The following LRP1B variants were observed in gnomAD, a reference collection of about 807,000 sequenced individuals.
The protein encoded by LRP1B is low-density lipoprotein receptor-related protein 1B.
A neutral mutation model predicts 556.6 loss-of-function variants in LRP1B; 217 were observed. That is an observed-to-expected ratio of 0.39 (90% CI 0.35 to 0.44). The LOEUF is 0.44. LRP1B is among the 20% of genes least tolerant of loss of function. LRP1B has a pLI of 1.00. For synonymous variants in LRP1B, 2,047 were observed against 1,865.8 expected (o/e 1.10, Z -2.50); for missense variants, 5,053 against 5,620.8 (o/e 0.90, Z 3.23).
intron 3 of LRP1B, among the ~76,000 whole-genome samples, chr2:141,352,470 C>A (rs1266462160): frequency 2.0e-5 from 3 of 151,836 alleles, no homozygotes; most frequent in Non-Finnish European, 4.4e-5. Context: ...TCACTTTCCC[C>A]TAATGTCAAC....
intron 50 of LRP1B, among the ~76,000 whole-genome samples, chr2:140,515,949 A>ATAT (rs1176443863): frequency 6.6e-6 from 1 of 152,082 alleles, no homozygotes; most frequent in Non-Finnish European, 1.5e-5. Context: ...TAAATAGTGA[A>ATAT]TATATACCTT....
chr2:141,014,684 A>T (rs1335977902), intron 13 of LRP1B, among the ~76,000 whole-genome samples: 1 of 151,842 alleles, frequency 6.6e-6, no homozygotes, highest in Non-Finnish European at 1.5e-5. Flanking sequence ...TGGTTTCTTA[A>T]TTTTTTTCTC....
chr2:140,876,802 A>G (rs1693321263), intron 25 of LRP1B, among the ~76,000 whole-genome samples: 1 of 152,144 alleles, frequency 6.6e-6, no homozygotes, highest in Admixed American at 6.5e-5. Context: ...CCTATGTGAA[A>G]AATATTTTTT....
intron 2 of LRP1B, among the ~76,000 whole-genome samples, chr2:141,769,425 A>G (rs1202461483): frequency 6.6e-6 from 1 of 152,202 alleles, no homozygotes; most frequent in Non-Finnish European, 1.5e-5. Context: ...AAGTCAACAG[A>G]TATTTGCTTC....
intron 1 of LRP1B, among the ~76,000 whole-genome samples, chr2:142,067,595 G>A (rs1475427681): frequency 6.6e-6 from 1 of 151,536 alleles, no homozygotes; most frequent in Non-Finnish European, 1.5e-5. Flanking sequence ...CTAACACACT[G>A]TAAAGCACAG....
At chr2:141,226,438 ATAT>A (rs1211992084) in intron 6 of LRP1B, among the ~76,000 whole-genome samples, 1 of 151,998 alleles carries the variant, frequency 6.6e-6, no homozygotes, top group Non-Finnish European at 1.5e-5. Context: ...ATTTACTATT[ATAT>A]TATTATGGAA....
intron 1 of LRP1B, among the ~76,000 whole-genome samples, chr2:141,845,637 A>G (rs1481246691): frequency 6.6e-6 from 1 of 151,802 alleles, no homozygotes; most frequent in Non-Finnish European, 1.5e-5. Context: ...AGTCTTTTGT[A>G]CCTCTCTGAG....
chr2:141,338,618 G>A (rs1210700424), intron 3 of LRP1B, among the ~76,000 whole-genome samples: 1 of 152,160 alleles, frequency 6.6e-6, no homozygotes, highest in Non-Finnish European at 1.5e-5. Flanking sequence ...AATAAGTGAA[G>A]GAAGTGTCCG....
intron 3 of LRP1B, among the ~76,000 whole-genome samples, chr2:141,462,218 T>C (rs545474456): frequency 1.3e-5 from 2 of 152,308 alleles, no homozygotes; most frequent in African/African-American, 4.8e-5. Flanking sequence ...ATTACATTAA[T>C]GGCACCAAGT....
chr2:140,475,064 A>C, intron 60 of LRP1B, 74 bp downstream of exon 60: 3 of 611,092 alleles, frequency 4.9e-6, no homozygotes, highest in Non-Finnish European at 7.2e-6. Context: ...AAAGCATATA[A>C]AATAAATATA....
chr2:140,541,744 A>G lies in LRP1B; in HGVS notation c.7387+35T>C, dbSNP rs780354157. 3 of 1,509,374 alleles carry G rather than the reference A, an allele frequency of 2.0e-6. No individual in the cohort carries two copies. In the Admixed American group the frequency reaches 5.2e-5, roughly 26 times the overall value. 93.5% of individuals were successfully genotyped at this position (1,509,374 alleles called of 1,614,324 possible). ...ATTTTTAGAGATCAGAGATTATACAATGAAAAAACACATTTGCTTTCTATT... is the reference window on the plus strand; with the variant it reads ...ATTTTTAGAGATCAGAGATTATACAGTGAAAAAACACATTTGCTTTCTATT... On this transcript the variant is annotated intron_variant, in intron 44 of 90. Coordinates refer to ENST00000389484, the MANE Select transcript of LRP1B (RefSeq NM_018557.3).
chr2:141,066,328 T>G (rs1327819691), intron 7 of LRP1B, among the ~76,000 whole-genome samples: 1 of 151,968 alleles, frequency 6.6e-6, no homozygotes, highest in African/African-American at 2.4e-5. Context: ...TTCACTACAG[T>G]CATATAAGTT....
At chr2:140,533,958 T>C (rs1425727367) in intron 47 of LRP1B, 63 bp downstream of exon 47, 29 of 1,584,598 alleles carry the variant, frequency 1.8e-5, no homozygotes, top group East Asian at 2.2e-5. Context: ...GAAACGAATG[T>C]TGGAAAAGTT....
chr2:141,018,550 T>C (rs1338492275), intron 12 of LRP1B, among the ~76,000 whole-genome samples: 1 of 152,130 alleles, frequency 6.6e-6, no homozygotes, highest in African/African-American at 2.4e-5. Flanking sequence ...ACTAGTGGGC[T>C]CTGAATTTTC....
At chr2:141,585,863 A>G (rs996252339) in intron 2 of LRP1B, among the ~76,000 whole-genome samples, 1 of 150,046 alleles carries the variant, frequency 6.7e-6, no homozygotes, top group Non-Finnish European at 1.5e-5. Flanking sequence ...CTCCCACTTC[A>G]GTAGCTGGGA....
chr2:140,613,584 C>T (rs998112679), intron 41 of LRP1B, among the ~76,000 whole-genome samples: 5 of 151,160 alleles, frequency 3.3e-5, no homozygotes, highest in East Asian at 1.9e-4. Flanking sequence ...CAACTCTAGC[C>T]GGTTTCCTTG....
intron 25 of LRP1B, among the ~76,000 whole-genome samples, chr2:140,874,258 TTTATTC>T (rs1397889844): frequency 1.3e-5 from 2 of 152,150 alleles, no homozygotes. Context: ...AAGGGATTGA[TTTATTC>T]TTAGTAAATT....
intron 41 of LRP1B, among the ~76,000 whole-genome samples, chr2:140,664,066 G>A (rs947689822): frequency 1.3e-5 from 2 of 152,062 alleles, no homozygotes; most frequent in African/African-American, 4.8e-5. Context: ...TCATTTTGAC[G>A]GCAAGTAATT....
chr2:141,840,707 G>T (rs1697439850), intron 1 of LRP1B, among the ~76,000 whole-genome samples: 1 of 152,056 alleles, frequency 6.6e-6, no homozygotes, highest in Non-Finnish European at 1.5e-5. Context: ...TTCTATAATA[G>T]GTTAGAAGGT....
Sources: allele counts gnomAD v4.1 joint callset (sites outside exome capture counted in the v4.1 genomes callset), GRCh38; gene constraint gnomAD v4.1.1; transcripts MANE v1.5; gene names NCBI Gene and HGNC (gene_info 2026-07-23, HGNC 2026-07-21).